Variants in ACYP2 observed in about 807,000 individuals in gnomAD.
The protein encoded by ACYP2 is acylphosphatase 2, also known as acylphosphatase-2.
A neutral mutation model predicts 11.2 loss-of-function variants in ACYP2; 12 were observed. That is an observed-to-expected ratio of 1.08 (90% CI 0.69 to 1.74). ACYP2 has a LOEUF of 1.74. ACYP2 is among the 40% of genes most tolerant of loss of function. The pLI, the probability that ACYP2 is intolerant of heterozygous loss-of-function variation, is 0.00. For missense variants in ACYP2, 134 were observed against 101.9 expected (o/e 1.31, Z -1.35); for synonymous variants, 43 against 32.2 (o/e 1.33, Z -1.13).
intron 6 of ACYP2, among the ~76,000 whole-genome samples, chr2:54,232,509 G>A (rs1686280103): frequency 6.6e-6 from 1 of 152,108 alleles, no homozygotes; most frequent in South Asian, 2.1e-4. Context: ...CACCCAAATC[G>A]CATGGGCATC....
At chr2:54,056,528 G>A (rs561248263) in intron 3 of ACYP2, among the ~76,000 whole-genome samples, 1 of 152,222 alleles carries the variant, frequency 6.6e-6, no homozygotes, top group South Asian at 2.1e-4. Flanking sequence ...ATTCTAGATG[G>A]TAAAATAAGT....
chr2:54,022,018 A>G (rs959389891), intron 2 of ACYP2, among the ~76,000 whole-genome samples: 6 of 152,198 alleles, frequency 3.9e-5, no homozygotes, highest in Admixed American at 1.3e-4. Context: ...TCATCTTACC[A>G]GTGGTATTAC....
intron 2 of ACYP2, among the ~76,000 whole-genome samples, chr2:54,003,586 A>G (rs1190137713): frequency 1.3e-5 from 2 of 152,152 alleles, no homozygotes. Flanking sequence ...TTAACACTGA[A>G]TAATGTTCAG....
At position 54,188,919 on chromosome 2, in the gene ACYP2, C is replaced by T. The variant is rs553499286; in HGVS notation, c.404+50171C>T. ...TCTGCAGACAAACAGCCCCTCCGCT[C>T]GTACTCTGGATCCTAGCCCACCTGC... On this transcript the variant is annotated intron_variant, in intron 6 of 6. Transcript: ENST00000607452. 1.1e-4 allele frequency among the ~76,000 whole-genome samples: 16 copies of T among 152,308 alleles called. 1 individual carries two copies. In the South Asian group the frequency reaches 2.5e-3, roughly 24 times the overall value.
chr2:54,266,695 G>A (rs1468887983), intron 6 of ACYP2, among the ~76,000 whole-genome samples: 2 of 132,570 alleles, frequency 1.5e-5, no homozygotes, highest in East Asian at 2.5e-4. Flanking sequence ...AAGCTCCGCC[G>A]TCCGGGTTCA....
chr2:54,082,381 G>C (rs1392419446), intron 4 of ACYP2, among the ~76,000 whole-genome samples: 1 of 151,954 alleles, frequency 6.6e-6, no homozygotes, highest in African/African-American at 2.4e-5. Context: ...GAATAGCTGG[G>C]ATTACAGGCG....
At chr2:54,236,449 C>A (rs962668577) in intron 6 of ACYP2, among the ~76,000 whole-genome samples, 1 of 151,986 alleles carries the variant, frequency 6.6e-6, no homozygotes, top group African/African-American at 2.4e-5. Context: ...TTTTCTTTGG[C>A]CTATGGGTTA....
intron 6 of ACYP2, among the ~76,000 whole-genome samples, chr2:54,149,197 A>G (rs1274348347): frequency 6.6e-6 from 1 of 152,236 alleles, no homozygotes; most frequent in African/African-American, 2.4e-5. Context: ...ATCTGAATTA[A>G]ATTGCCTTTA....
intron 4 of ACYP2, among the ~76,000 whole-genome samples, chr2:54,058,073 G>C (rs1481813785): frequency 2.0e-5 from 3 of 152,096 alleles, no homozygotes; most frequent in Non-Finnish European, 4.4e-5. Context: ...TGGTCCCTGA[G>C]GGAGGTAGGG....
chr2:54,293,641 T>C (rs755060247), intron 6 of ACYP2, among the ~76,000 whole-genome samples: 7 of 152,254 alleles, frequency 4.6e-5, no homozygotes, highest in Non-Finnish European at 8.8e-5. Context: ...ACTGTAATAA[T>C]AGTTATTAAT....
At chr2:54,076,442 A>G (rs1042314120) in intron 4 of ACYP2, among the ~76,000 whole-genome samples, 1 of 152,218 alleles carries the variant, frequency 6.6e-6, no homozygotes, top group African/African-American at 2.4e-5. Context: ...TCGCACTGCT[A>G]GTTAATGGCA....
At chr2:54,069,634 C>G (rs1191821668) in intron 4 of ACYP2, among the ~76,000 whole-genome samples, 1 of 152,040 alleles carries the variant, frequency 6.6e-6, no homozygotes, top group Admixed American at 6.5e-5. Flanking sequence ...TGCACTCCAG[C>G]CTGGGTGACA....
intron 6 of ACYP2, among the ~76,000 whole-genome samples, chr2:54,233,603 G>C (rs975224455): frequency 2.0e-5 from 3 of 151,980 alleles, no homozygotes; most frequent in African/African-American, 7.3e-5. Context: ...AACATGCCTG[G>C]CCCCAAACAT....
At chr2:54,109,434 T>TA (rs1169368804) in intron 4 of ACYP2, among the ~76,000 whole-genome samples, 3 of 151,928 alleles carry the variant, frequency 2.0e-5, no homozygotes, top group African/African-American at 2.4e-5. Flanking sequence ...GGGTGAGGGA[T>TA]AAAAAAACTG....
At chr2:54,021,679 C>T (rs1322922186) in intron 2 of ACYP2, among the ~76,000 whole-genome samples, 2 of 152,204 alleles carry the variant, frequency 1.3e-5, no homozygotes, top group Non-Finnish European at 2.9e-5. Context: ...TCATTGCCTC[C>T]TCTGCTTTCT....
chr2:53,995,882 C>T (rs1270043156), intron 2 of ACYP2, among the ~76,000 whole-genome samples: 1 of 152,132 alleles, frequency 6.6e-6, no homozygotes. Flanking sequence ...CCTATAATCC[C>T]AGCACGTGGG....
Position 54,131,677 on chromosome 2 carries a change from A to G in ACYP2, c.278-3776A>G, listed in dbSNP as rs191281414. The stretch of plus-strand genomic sequence containing the variant: ...TACCAACACCAACTTGAACAGTGTG[A>G]TGGAGCGTGCATCAGATCTGTGGTA... On this transcript the variant is annotated intron_variant, in intron 4 of 6. Transcript: ENST00000607452. 4.2e-4 allele frequency among the ~76,000 whole-genome samples: 64 copies of G among 152,322 alleles called. No homozygotes were observed. In the Middle Eastern group the frequency reaches 0.017, roughly 40 times the overall value.
At chr2:54,074,305 A>G (rs1393597190) in intron 4 of ACYP2, among the ~76,000 whole-genome samples, 1 of 152,164 alleles carries the variant, frequency 6.6e-6, no homozygotes, top group Non-Finnish European at 1.5e-5. Flanking sequence ...TGATTGGGCC[A>G]CTACACTCCA....
chr2:54,243,876 T>C (rs1301832687), intron 6 of ACYP2, among the ~76,000 whole-genome samples: 1 of 152,002 alleles, frequency 6.6e-6, no homozygotes, highest in Non-Finnish European at 1.5e-5. Flanking sequence ...CCATCACTGA[T>C]GGAAACACTG....
Sources: allele counts gnomAD v4.1 joint callset (sites outside exome capture counted in the v4.1 genomes callset), GRCh38; gene constraint gnomAD v4.1.1; transcripts MANE v1.5; gene names NCBI Gene and HGNC (gene_info 2026-07-23, HGNC 2026-07-21).